Variants in KCNQ5 observed in about 807,000 individuals in gnomAD.
The protein encoded by KCNQ5 is potassium voltage-gated channel subfamily Q member 5, also known as potassium voltage-gated channel subfamily KQT member 5.
Under a neutral mutation model 98.2 loss-of-function variants are expected in KCNQ5, and 30 were observed. That is an observed-to-expected ratio of 0.31 (90% CI 0.23 to 0.41). The LOEUF is 0.41. KCNQ5 is among the 10% of genes least tolerant of loss of function. The probability of loss-of-function intolerance (pLI) is 1.00; values close to 1 mark genes in which losing one functional copy is unlikely to be tolerated. For missense variants in KCNQ5, 835 were observed against 1,182.5 expected (o/e 0.71, Z 4.31); for synonymous variants, 458 against 449.4 (o/e 1.02, Z -0.24).
At chr6:72,666,572 C>T (rs2154473152) in intron 1 of KCNQ5, among the ~76,000 whole-genome samples, 1 of 152,008 alleles carries the variant, frequency 6.6e-6, no homozygotes, top group East Asian at 1.9e-4. Context: ...TTTTAAATGA[C>T]TTAATGTATT....
At chr6:72,659,601 C>G (rs1315159710) in intron 1 of KCNQ5, among the ~76,000 whole-genome samples, 1 of 152,204 alleles carries the variant, frequency 6.6e-6, no homozygotes, top group East Asian at 1.9e-4. Flanking sequence ...CTGAAGGGAA[C>G]TAATGCTGTG....
intron 9 of KCNQ5, among the ~76,000 whole-genome samples, chr6:73,131,085 C>T (rs1039461422): frequency 2.0e-5 from 3 of 152,024 alleles, no homozygotes; most frequent in Admixed American, 6.6e-5. Flanking sequence ...GAATATTATT[C>T]ACATTTTCCA....
At chr6:73,022,918 T>G (rs955359037) in intron 2 of KCNQ5, among the ~76,000 whole-genome samples, 5 of 152,204 alleles carry the variant, frequency 3.3e-5, no homozygotes, top group Admixed American at 3.3e-4. Context: ...CCTACTCTTC[T>G]GAGTACAGTC....
At position 73,133,651 on chromosome 6, in the gene KCNQ5, G is replaced by T. The variant is rs781098408; in HGVS notation, c.1468+10G>T. On this transcript the variant is annotated intron_variant, in intron 10 of 13. Transcript: ENST00000370398. ...AAACCAGTGATAGATGGTAAGCCCT[G>T]TTTTTCCATAACCATTTTTAATTGG... 1 of 1,613,000 alleles carries T rather than the reference G, an allele frequency of 6.2e-7. No homozygotes were observed. Among genetic ancestry groups the T allele is most frequent in the Non-Finnish European group, 8.5e-7 (1 of 1,179,092 alleles).
chr6:73,057,951 C>A (rs895702238), intron 3 of KCNQ5, among the ~76,000 whole-genome samples: 1 of 152,122 alleles, frequency 6.6e-6, no homozygotes, highest in African/African-American at 2.4e-5. Flanking sequence ...ACACACAAAC[C>A]ATTTGATCTT....
At chr6:73,042,294 G>C (rs1211264304) in intron 3 of KCNQ5, 2 of 528,064 alleles carry the variant, frequency 3.8e-6, no homozygotes, top group East Asian at 7.0e-5. Context: ...GAGGCAAAGA[G>C]AGACGGAGTT....
chr6:72,679,508 G>A (rs1037088149), intron 1 of KCNQ5, among the ~76,000 whole-genome samples: 40 of 147,794 alleles, frequency 2.7e-4, no homozygotes, highest in African/African-American at 1.0e-3. Flanking sequence ...TCACTCATAG[G>A]TGGGAATTGA....
chr6:73,124,949 A>C (rs1356832175), intron 9 of KCNQ5, among the ~76,000 whole-genome samples: 2 of 8,044 alleles, frequency 2.5e-4, no homozygotes, highest in African/African-American at 1.1e-3. Flanking sequence ...ATATATATAT[A>C]TATATATATA....
chr6:72,918,458 T>C (rs918919791), intron 1 of KCNQ5, among the ~76,000 whole-genome samples: 5 of 151,974 alleles, frequency 3.3e-5, no homozygotes, highest in Non-Finnish European at 7.4e-5. Context: ...GTTATCATTT[T>C]TGTGAACGTG....
Position 72,852,661 on chromosome 6 carries a change from A to AT in KCNQ5, c.399-151247_399-151246insT, listed in dbSNP as rs60436919. Reference sequence around the variant, plus strand: ...GGGAAATATATATATATATATATATAAATGGCACTTAATGGTAAAGATGTT... The same window carrying AT: ...GGGAAATATATATATATATATATATATAATGGCACTTAATGGTAAAGATGTT... On this transcript the variant is annotated intron_variant, in intron 1 of 13. Coordinates refer to ENST00000370398, the MANE Select transcript of KCNQ5 (RefSeq NM_019842.4). Among the ~76,000 whole-genome samples, 184 of 125,060 alleles carry AT rather than the reference A, an allele frequency of 1.5e-3. 2 individuals carry two copies. Among genetic ancestry groups the AT allele is most frequent in the African/African-American group, 2.0e-3 (62 of 31,784 alleles). 82.0% of individuals were successfully genotyped at this position (125,060 alleles called of 152,430 possible).
intron 1 of KCNQ5, among the ~76,000 whole-genome samples, chr6:72,797,496 C>A (rs1229482656): frequency 2.1e-5 from 3 of 143,536 alleles, no homozygotes; most frequent in Non-Finnish European, 4.5e-5. Context: ...CAGAATAAGA[C>A]CCTGCCAAAA....
chr6:73,131,373 A>G (rs1244377145), intron 9 of KCNQ5, among the ~76,000 whole-genome samples: 2 of 152,138 alleles, frequency 1.3e-5, no homozygotes, highest in Non-Finnish European at 2.9e-5. Flanking sequence ...ATTAACTAAA[A>G]CCAACCTTTT....
chr6:72,950,100 A>G (rs1436103602), intron 1 of KCNQ5, among the ~76,000 whole-genome samples: 6 of 152,334 alleles, frequency 3.9e-5, no homozygotes, highest in East Asian at 1.9e-4. Context: ...TTATTTTTCA[A>G]CAAGGATCCT....
At chr6:73,140,292 T>G (rs1411691790) in intron 10 of KCNQ5, among the ~76,000 whole-genome samples, 2 of 152,218 alleles carry the variant, frequency 1.3e-5, no homozygotes, top group African/African-American at 4.8e-5. Flanking sequence ...CATGTTTTTC[T>G]CAGTCTCCCC....
At chr6:72,804,098 G>T (rs1774819453) in intron 1 of KCNQ5, among the ~76,000 whole-genome samples, 1 of 151,880 alleles carries the variant, frequency 6.6e-6, no homozygotes, top group African/African-American at 2.4e-5. Flanking sequence ...GTACATAGTT[G>T]GTTGCTACAT....
intron 1 of KCNQ5, among the ~76,000 whole-genome samples, chr6:72,925,013 A>G (rs985971888): frequency 3.3e-5 from 5 of 152,190 alleles, no homozygotes; most frequent in African/African-American, 9.7e-5. Context: ...TCTGAAAAAC[A>G]TCCTAAGATT....
chr6:73,071,750 C>T (rs1283268369), intron 3 of KCNQ5, among the ~76,000 whole-genome samples: 1 of 152,152 alleles, frequency 6.6e-6, no homozygotes, highest in East Asian at 1.9e-4. Flanking sequence ...GGTACCAAGC[C>T]ATTCATGAGC....
intron 1 of KCNQ5, among the ~76,000 whole-genome samples, chr6:72,941,606 CCTT>C (rs1562082840): frequency 6.7e-6 from 1 of 148,172 alleles, no homozygotes; most frequent in Non-Finnish European, 1.5e-5. Context: ...TCCCTTAATT[CCTT>C]CCTTCCTGAC....
At chr6:73,075,779 C>T (rs1291786959) in intron 3 of KCNQ5, among the ~76,000 whole-genome samples, 1 of 152,110 alleles carries the variant, frequency 6.6e-6, no homozygotes, top group Non-Finnish European at 1.5e-5. Context: ...ACCGGTGGCT[C>T]ACACCTGTAA....
Sources: gnomAD v4.1 joint callset for allele counts (sites outside exome capture counted in the v4.1 genomes callset) on GRCh38, gnomAD v4.1.1 for gene constraint, MANE v1.5 for transcripts, NCBI Gene and HGNC (gene_info 2026-07-23, HGNC 2026-07-21) for gene names.